The following BTD variants were observed in gnomAD, a reference collection of about 807,000 sequenced individuals.
BTD encodes the protein biotinidase.
Under a neutral mutation model 17.7 loss-of-function variants are expected in BTD, and 13 were observed. The ratio of observed to expected loss-of-function variants is 0.74; its 90% CI spans 0.48 to 1.17. The LOEUF (loss-of-function observed/expected upper bound fraction) is 1.17. BTD is among the 50% of genes most tolerant of loss of function. The pLI is 0.00. For synonymous variants in BTD, 240 were observed against 245.2 expected, an observed-to-expected ratio of 0.98 and a Z score of 0.20; for missense variants, 674 against 650.4, an observed-to-expected ratio of 1.04 and a Z score of -0.39.
At chr3:15,678,435 G>T in intron 3 of BTD, 2 of 1,382,256 alleles carry the variant, frequency 1.4e-6, no homozygotes, top group Non-Finnish European at 2.0e-6. Flanking sequence ...TTTGTGACAT[G>T]CTGTTTTTAA....
At chr3:15,620,868 C>T (rs1371289322) in intron 1 of BTD, among the ~76,000 whole-genome samples, 1 of 152,192 alleles carries the variant, frequency 6.6e-6, no homozygotes, top group Non-Finnish European at 1.5e-5. Flanking sequence ...GAGGAATTGG[C>T]TCACACAATT....
At chr3:15,602,342 G>C (rs762387166) in intron 1 of BTD, 247 of 1,036,412 alleles carry the variant, frequency 2.4e-4, no homozygotes, top group Non-Finnish European at 2.7e-4. Context: ...TCCAGCCCTT[G>C]CTACTAATCC....
chr3:15,694,886 C>T, intron 3 of BTD: 2 of 1,362,430 alleles, frequency 1.5e-6, no homozygotes. Context: ...CCACCCAGTT[C>T]AAATCCACCT....
At chr3:15,616,631 T>C (rs1369069630) in intron 1 of BTD, among the ~76,000 whole-genome samples, 3 of 151,914 alleles carry the variant, frequency 2.0e-5, no homozygotes, top group Non-Finnish European at 4.4e-5. Flanking sequence ...AAAAAAAAGT[T>C]TTGTTTTTTT....
intron 1 of BTD, among the ~76,000 whole-genome samples, chr3:15,617,460 G>C (rs2064828261): frequency 6.6e-6 from 1 of 152,162 alleles, no homozygotes; most frequent in Non-Finnish European, 1.5e-5. Flanking sequence ...AAGGGTATAA[G>C]ATCTTTATCT....
chr3:15,629,410 C>T (rs66857627), intron 1 of BTD, among the ~76,000 whole-genome samples: 23,180 of 152,104 alleles, frequency 0.15, 2,459 homozygotes, highest in East Asian at 0.34. Context: ...ACTCTGATGG[C>T]GTGCTTACAT....
At chr3:15,602,029 G>T (rs572414600) in intron 1 of BTD, 135 bp downstream of exon 1, 2 of 1,492,382 alleles carry the variant, frequency 1.3e-6, no homozygotes, top group Non-Finnish European at 1.8e-6. Flanking sequence ...GGCGCGCGTC[G>T]TTTGCTGGGG....
At position 15,653,432 on chromosome 3, in the gene BTD, G is replaced by A. The variant is rs575431023; in HGVS notation, c.*7944G>A. Among the ~76,000 whole-genome samples the A allele has an allele frequency of 2.4e-4, 36 of 152,384 alleles. No homozygotes were observed. Among genetic ancestry groups the A allele is most frequent in the African/African-American group, 6.7e-4 (28 of 41,590 alleles). ...AAACAGAATCCCAGCAACATAGGAC[G>A]AGGCTGGAATTCCCACACCTGGACT... On this transcript the variant is annotated 3_prime_UTR_variant, in exon 4 of 4. Transcript: ENST00000643237.
chr3:15,701,420 G>A (rs965220080), intron 3 of BTD, among the ~76,000 whole-genome samples: 33 of 152,118 alleles, frequency 2.2e-4, no homozygotes, highest in African/African-American at 6.3e-4. Flanking sequence ...GGAGGTGGGC[G>A]GAACACCTGA....
chr3:15,682,376 G>A (rs917621611), intron 3 of BTD, among the ~76,000 whole-genome samples: 1 of 152,028 alleles, frequency 6.6e-6, no homozygotes, highest in African/African-American at 2.4e-5. Context: ...GAACAGTGGG[G>A]CCCCTTTGTG....
At chr3:15,609,918 G>C (rs2064565191) in intron 1 of BTD, among the ~76,000 whole-genome samples, 1 of 150,246 alleles carries the variant, frequency 6.7e-6, no homozygotes, top group Admixed American at 6.6e-5. Flanking sequence ...TTGGTAACTT[G>C]CTAAAGAAAA....
chr3:15,612,168 A>G lies in BTD; in HGVS notation c.-17+10274A>G, dbSNP rs540192594. On this transcript the variant is annotated intron_variant, in intron 1 of 3. Transcript: ENST00000643237. Reference sequence around the variant, plus strand: ...TTTCTACATTGCCAGAGTTAATAACATTTGCACTGTGTTCTATAAATATAA... The same window carrying G: ...TTTCTACATTGCCAGAGTTAATAACGTTTGCACTGTGTTCTATAAATATAA... Among the ~76,000 whole-genome samples the G allele has an allele frequency of 6.9e-4, 105 of 152,220 alleles. 3 individuals carry two copies. The South Asian group carries it at 0.021, about 30-fold the overall frequency.
intron 3 of BTD, among the ~76,000 whole-genome samples, chr3:15,702,292 C>T (rs910205292): frequency 2.6e-5 from 4 of 152,132 alleles, no homozygotes; most frequent in Non-Finnish European, 5.9e-5. Flanking sequence ...AACTAGGGTG[C>T]TTATAAAATA....
At chr3:15,700,617 T>G (rs2070432382) in intron 3 of BTD, among the ~76,000 whole-genome samples, 2 of 150,908 alleles carry the variant, frequency 1.3e-5, no homozygotes, top group Admixed American at 1.3e-4. Context: ...CTACCAAGAG[T>G]ACAAAAATTA....
chr3:15,612,371 A>G (rs1365228287), intron 1 of BTD, among the ~76,000 whole-genome samples: 1 of 152,144 alleles, frequency 6.6e-6, no homozygotes, highest in Non-Finnish European at 1.5e-5. Flanking sequence ...TACTTCAACC[A>G]TAGGTTGGCA....
At chr3:15,665,460 G>A (rs1203957242) in intron 3 of BTD, among the ~76,000 whole-genome samples, 1 of 152,170 alleles carries the variant, frequency 6.6e-6, no homozygotes, top group African/African-American at 2.4e-5. Context: ...GCACTGCCAA[G>A]CAAGAACTTT....
At chr3:15,642,158 T>C (rs1486973796) in intron 3 of BTD, 101 bp downstream of exon 3, 1 of 1,548,390 alleles carries the variant, frequency 6.5e-7, no homozygotes, top group Non-Finnish European at 8.7e-7. Context: ...ATAGGAGACC[T>C]TAACATCCCC....
exon 4 of BTD, chr3:15,711,408 CT>C (rs1412568283): frequency 1.5e-6 from 1 of 646,390 alleles, no homozygotes; most frequent in African/African-American, 1.9e-5. Flanking sequence ...GCTAGAGTGC[CT>C]GTTTAAAAGG....
intron 4 of BTD, among the ~76,000 whole-genome samples, chr3:15,719,761 C>T (rs1348543635): frequency 6.6e-6 from 1 of 151,996 alleles, no homozygotes; most frequent in Non-Finnish European, 1.5e-5. Flanking sequence ...TGCTATGTTG[C>T]CCAGGCTGGT....
Sources: allele counts gnomAD v4.1 joint callset (sites outside exome capture counted in the v4.1 genomes callset), GRCh38; gene constraint gnomAD v4.1.1; transcripts MANE v1.5; gene names NCBI Gene and HGNC (gene_info 2026-07-23, HGNC 2026-07-21).